TGFBR3: variants seen among roughly 807,000 people sequenced by gnomAD.
TGFBR3 encodes transforming growth factor beta receptor 3, also known as transforming growth factor beta receptor type 3.
Under a neutral mutation model 87.9 loss-of-function variants are expected in TGFBR3, and 46 were observed. The ratio of observed to expected loss-of-function variants is 0.52; its 90% CI spans 0.41 to 0.67. The LOEUF (loss-of-function observed/expected upper bound fraction) is 0.67. TGFBR3 is among the 30% of genes least tolerant of loss of function. The probability of loss-of-function intolerance (pLI) is 0.00; values close to 1 mark genes in which losing one functional copy is unlikely to be tolerated. For missense variants in TGFBR3, 866 were observed against 1,041.9 expected (o/e 0.83, Z 2.32); for synonymous variants, 381 against 391.6 (o/e 0.97, Z 0.32).
At chr1:91,769,839 G>A (rs1674313189) in intron 3 of TGFBR3, among the ~76,000 whole-genome samples, 1 of 152,102 alleles carries the variant, frequency 6.6e-6, no homozygotes, top group Admixed American at 6.6e-5. Context: ...GGAAGGCTAA[G>A]GATCACCACA....
chr1:91,760,272 T>C (rs1394341271), intron 3 of TGFBR3, among the ~76,000 whole-genome samples: 4 of 151,900 alleles, frequency 2.6e-5, no homozygotes, highest in Non-Finnish European at 5.9e-5. Context: ...AATACAAAAA[T>C]AAATTAGCCG....
chr1:91,780,929 A>C (rs935308155), intron 3 of TGFBR3, among the ~76,000 whole-genome samples: 1 of 138,002 alleles, frequency 7.2e-6, no homozygotes, highest in Non-Finnish European at 1.6e-5. Context: ...ACACACACAC[A>C]CACAGAGATC....
intron 10 of TGFBR3, among the ~76,000 whole-genome samples, chr1:91,717,041 G>A (rs1453049999): frequency 2.0e-5 from 3 of 152,162 alleles, no homozygotes; most frequent in Non-Finnish European, 4.4e-5. Flanking sequence ...GAGTTGAATG[G>A]AGTTGTCAAG....
chr1:91,716,465 C>T, intron 11 of TGFBR3, 71 bp from the exon 12 acceptor site: 1 of 1,613,900 alleles, frequency 6.2e-7, no homozygotes, highest in Non-Finnish European at 8.5e-7. Context: ...GCTTCATGAG[C>T]TTTGGCTTTT....
chr1:91,880,355 C>G (rs1004679036), intron 1 of TGFBR3, among the ~76,000 whole-genome samples: 5 of 152,114 alleles, frequency 3.3e-5, no homozygotes, highest in South Asian at 4.1e-4. Context: ...AATCCCAGCA[C>G]GTTGGGAGGC....
intron 3 of TGFBR3, among the ~76,000 whole-genome samples, chr1:91,786,533 T>C (rs1225745292): frequency 6.6e-6 from 1 of 151,952 alleles, no homozygotes; most frequent in East Asian, 1.9e-4. Context: ...GATGGATCAC[T>C]TGAGGCCAGG....
chr1:91,888,488 A>C (rs966228945), upstream of TGFBR3, among the ~76,000 whole-genome samples: 4 of 152,172 alleles, frequency 2.6e-5, no homozygotes, highest in African/African-American at 9.7e-5. Flanking sequence ...GGATCACTTG[A>C]GGTCAGGAGT....
intron 2 of TGFBR3, among the ~76,000 whole-genome samples, chr1:91,826,758 A>AAG (rs397940764): frequency 6.7e-6 from 1 of 149,308 alleles, no homozygotes; most frequent in Admixed American, 6.7e-5. Context: ...AAAAAAAAAA[A>AAG]GGCCTGGCCA....
chr1:91,694,406 TC>T (rs1171192244), intron 16 of TGFBR3, among the ~76,000 whole-genome samples: 7 of 152,258 alleles, frequency 4.6e-5, no homozygotes, highest in African/African-American at 7.2e-5. Flanking sequence ...TGGGTGAATG[TC>T]CCATGCTAGG....
intron 2 of TGFBR3, among the ~76,000 whole-genome samples, chr1:91,855,835 A>G (rs944173059): frequency 6.6e-6 from 1 of 152,170 alleles, no homozygotes; most frequent in Admixed American, 6.5e-5. Flanking sequence ...GAGGCCAATA[A>G]ATAACCTTAG....
At chr1:91,804,163 T>A (rs1675748090) in intron 2 of TGFBR3, among the ~76,000 whole-genome samples, 1 of 151,914 alleles carries the variant, frequency 6.6e-6, no homozygotes, top group Non-Finnish European at 1.5e-5. Flanking sequence ...AAAGCCTCAC[T>A]CTTATACTAA....
rs1210105204 is a variant in TGFBR3 at position 91,708,630 on chromosome 1, C to A, written c.2287+33G>T. On this transcript the variant is annotated intron_variant, in intron 14 of 16. Coordinates refer to ENST00000212355, the MANE Select transcript of TGFBR3 (RefSeq NM_003243.5). The stretch of plus-strand genomic sequence containing the variant: ...GTCTTCTTAACAAGCAGAGCTCAGG[C>A]CCCATGCTCTGATCGTGCCTCCCAA... 9.9e-6 allele frequency: 16 copies of A among 1,613,654 alleles called. No individual in the cohort carries two copies. The East Asian group carries it at 3.6e-4, about 36-fold the overall frequency.
chr1:91,795,715 T>G (rs1034852343), intron 3 of TGFBR3, among the ~76,000 whole-genome samples: 3 of 152,140 alleles, frequency 2.0e-5, no homozygotes, highest in Non-Finnish European at 4.4e-5. Context: ...AGGAGCTGCA[T>G]TTCCTCCTCT....
chr1:91,777,186 A>G (rs1215736315), intron 3 of TGFBR3, among the ~76,000 whole-genome samples: 2 of 152,118 alleles, frequency 1.3e-5, no homozygotes, highest in Admixed American at 6.5e-5. Flanking sequence ...GTTTCTCCCA[A>G]TCTGTAGTGG....
intron 12 of TGFBR3, among the ~76,000 whole-genome samples, chr1:91,715,700 C>A (rs1672140009): frequency 6.6e-6 from 1 of 151,954 alleles, no homozygotes; most frequent in South Asian, 2.1e-4. Context: ...ATACTCAGAT[C>A]ATGATCTAGA....
chr1:91,801,327 G>A (rs1675622427), intron 2 of TGFBR3, among the ~76,000 whole-genome samples: 1 of 152,288 alleles, frequency 6.6e-6, no homozygotes, highest in Middle Eastern at 3.4e-3. Flanking sequence ...GTCCTGAAGT[G>A]CCCGGCCTTG....
rs1245437907 is a variant in TGFBR3, at chr1:91,772,578, A to G, written c.247-13828T>C. The stretch of plus-strand genomic sequence containing the variant: ...TGAGCTAGGAGCCTTGAGCATTTCT[A>G]TAAGGAACAACTTATAGGGCCTGGT... On this transcript the variant is annotated intron_variant, in intron 3 of 16. Transcript: ENST00000212355. Among the ~76,000 whole-genome samples the G allele has an allele frequency of 3.3e-5, 5 of 152,192 alleles. No individual in the cohort carries two copies. In the East Asian group the frequency reaches 5.8e-4, roughly 18 times the overall value.
rs184083260 is a variant in TGFBR3, at chr1:91,785,203, C to T, written c.246+12084G>A. Among the ~76,000 whole-genome samples the T allele has an allele frequency of 7.2e-5, 11 of 152,334 alleles. No individual in the cohort carries two copies. The East Asian group carries it at 7.7e-4, about 11-fold the overall frequency. The stretch of plus-strand genomic sequence containing the variant: ...ACATCGAGGAACCTCAAGTGCTTTA[C>T]GCTAAGTGAAAGAAGCTAGACACAA... On this transcript the variant is annotated intron_variant, in intron 3 of 16. Transcript: ENST00000212355.
At chr1:91,902,701 T>C (rs1204486015) in intron 1 of TGFBR3, among the ~76,000 whole-genome samples, 1 of 151,914 alleles carries the variant, frequency 6.6e-6, no homozygotes, top group Non-Finnish European at 1.5e-5. Context: ...CATTCCAGAC[T>C]TGGTCCCTGT....
Sources: gnomAD v4.1 joint callset for allele counts (sites outside exome capture counted in the v4.1 genomes callset) on GRCh38, gnomAD v4.1.1 for gene constraint, MANE v1.5 for transcripts, NCBI Gene and HGNC (gene_info 2026-07-23, HGNC 2026-07-21) for gene names.